The following IL1RAPL2 variants were observed in gnomAD, a reference collection of about 807,000 sequenced individuals.
The protein encoded by IL1RAPL2 is X-linked interleukin-1 receptor accessory protein-like 2.
Under a neutral mutation model 44.1 loss-of-function variants are expected in IL1RAPL2, and 3 were observed. The ratio of observed to expected loss-of-function variants is 0.07; its 90% CI spans 0.03 to 0.18. IL1RAPL2 has a LOEUF of 0.18. Ranked by LOEUF, IL1RAPL2 falls within the 10% of genes least tolerant of loss-of-function variation. The pLI, the probability that IL1RAPL2 is intolerant of heterozygous loss-of-function variation, is 1.00. For synonymous variants in IL1RAPL2, 181 were observed against 178.8 expected, an observed-to-expected ratio of 1.01 and a Z score of -0.10; for missense variants, 391 against 496.4, an observed-to-expected ratio of 0.79 and a Z score of 2.02.
intron 2 of IL1RAPL2, among the ~76,000 whole-genome samples, chrX:104,983,615 T>TATTATATGCATAATATATAA (rs1569355783): frequency 2.3e-4 from 9 of 38,306 alleles, no homozygotes; most frequent in African/African-American, 7.5e-4. Flanking sequence ...ATATATAATA[T>TATTATATGCATAATATATAA]TATATTATAT....
chrX:105,043,951 A>G (rs908744921), intron 2 of IL1RAPL2, among the ~76,000 whole-genome samples: 1 of 112,247 alleles, frequency 8.9e-6, no homozygotes, highest in African/African-American at 3.2e-5. Flanking sequence ...AGTATCAATT[A>G]CAGTATTTTA....
chrX:104,873,414 A>T (rs1029798290), intron 2 of IL1RAPL2, among the ~76,000 whole-genome samples: 2 of 111,858 alleles, frequency 1.8e-5, no homozygotes, highest in African/African-American at 6.5e-5. Flanking sequence ...ATTTTGCTTC[A>T]TGTAAGTTAT....
intron 5 of IL1RAPL2, among the ~76,000 whole-genome samples, chrX:105,410,959 A>G (rs1602399920): frequency 8.9e-6 from 1 of 112,236 alleles, no homozygotes; most frequent in East Asian, 2.8e-4. Context: ...AAGCATCAAC[A>G]GCTATAATTA....
chrX:104,660,106 T>C (rs191880782), intron 2 of IL1RAPL2, among the ~76,000 whole-genome samples: 1 of 111,816 alleles, frequency 8.9e-6, no homozygotes, highest in African/African-American at 3.2e-5. Flanking sequence ...TCTCTTCTTA[T>C]AGATTCAGGT....
chrX:105,192,937 G>T (rs1249262682), intron 2 of IL1RAPL2, among the ~76,000 whole-genome samples: 1 of 111,948 alleles, frequency 8.9e-6, no homozygotes, highest in African/African-American at 3.2e-5. Flanking sequence ...TGCTCACATG[G>T]CCCTTAAAGG....
At chrX:104,700,561 C>G (rs1462981352) in intron 2 of IL1RAPL2, among the ~76,000 whole-genome samples, 5 of 112,032 alleles carry the variant, frequency 4.5e-5, no homozygotes, top group African/African-American at 1.6e-4. Context: ...CTTGTTTTCA[C>G]ATTATTACCC....
intron 2 of IL1RAPL2, among the ~76,000 whole-genome samples, chrX:105,099,630 A>AT (rs749506888): frequency 0.043 from 4,479 of 104,521 alleles, 225 homozygotes; most frequent in African/African-American, 0.14. Flanking sequence ...ACGCCTGGCT[A>AT]TTTTTTTTTG....
chrX:105,101,482 T>C (rs1324894325), intron 2 of IL1RAPL2, among the ~76,000 whole-genome samples: 2 of 111,969 alleles, frequency 1.8e-5, no homozygotes, highest in African/African-American at 3.2e-5. Context: ...CCTTTGGAGA[T>C]AACATTTTTT....
intron 1 of IL1RAPL2, among the ~76,000 whole-genome samples, chrX:104,628,077 T>C (rs1344044338): frequency 8.9e-6 from 1 of 111,753 alleles, no homozygotes. Flanking sequence ...ATAATATTTT[T>C]ACATATGTAT....
At chrX:105,564,860 T>C (rs2036963608) in intron 6 of IL1RAPL2, among the ~76,000 whole-genome samples, 1 of 111,875 alleles carries the variant, frequency 8.9e-6, no homozygotes. Context: ...CCCTTCCTTT[T>C]TCTTCCCACA....
At chrX:104,606,816 A>G (rs1443824364) in intron 1 of IL1RAPL2, among the ~76,000 whole-genome samples, 1 of 111,624 alleles carries the variant, frequency 9.0e-6, no homozygotes, top group African/African-American at 3.3e-5. Flanking sequence ...AACAAATGGA[A>G]AAACATTCCA....
At chrX:104,669,094 CT>C (rs1188827996) in intron 2 of IL1RAPL2, among the ~76,000 whole-genome samples, 3 of 111,785 alleles carry the variant, frequency 2.7e-5, no homozygotes, top group Admixed American at 9.5e-5. Flanking sequence ...GGCACTCCCC[CT>C]GGCTACTTTG....
chrX:105,687,698 G>A (rs1239318609), intron 6 of IL1RAPL2, among the ~76,000 whole-genome samples: 2 of 111,791 alleles, frequency 1.8e-5, no homozygotes, highest in Non-Finnish European at 3.8e-5. Context: ...AATAGAAAAA[G>A]AGGGAATCCT....
intron 5 of IL1RAPL2, among the ~76,000 whole-genome samples, chrX:105,459,001 A>G (rs980152321): frequency 9.0e-6 from 1 of 111,586 alleles, no homozygotes; most frequent in Non-Finnish European, 1.9e-5. Flanking sequence ...CAATTAAAAC[A>G]CCACGAAGCT....
At chrX:105,235,048 C>T (rs993301398) in intron 4 of IL1RAPL2, among the ~76,000 whole-genome samples, 6 of 110,751 alleles carry the variant, frequency 5.4e-5, no homozygotes, top group Non-Finnish European at 1.1e-4. Context: ...AATACCCTAA[C>T]CATTTATAAC....
chrX:105,046,785 C>G (rs866768731), intron 2 of IL1RAPL2, among the ~76,000 whole-genome samples: 1 of 104,978 alleles, frequency 9.5e-6, no homozygotes, highest in African/African-American at 3.5e-5. Flanking sequence ...ATTGTCCTTT[C>G]TCTACATCGC....
rs764468351 is a variant in IL1RAPL2, at chrX:104,942,817, T to C, written c.83-252658T>C. Among the ~76,000 whole-genome samples the C allele has an allele frequency of 3.6e-5, 4 of 111,692 alleles. No individual in the cohort carries two copies. In the South Asian group the frequency reaches 1.5e-3, roughly 42 times the overall value. ...TCCAGTTTGTGCCTATTCAGTATGA[T>C]ATTGGCTGTGGGTTTGTCATAAATA... On this transcript the variant is annotated intron_variant, in intron 2 of 10. Coordinates refer to ENST00000372582, the MANE Select transcript of IL1RAPL2 (RefSeq NM_017416.2).
intron 6 of IL1RAPL2, among the ~76,000 whole-genome samples, chrX:105,632,505 G>T (rs2037498147): frequency 9.0e-6 from 1 of 111,339 alleles, no homozygotes; most frequent in Non-Finnish European, 1.9e-5. Flanking sequence ...TTTTATTGAA[G>T]GTGGTGGAGC....
intron 5 of IL1RAPL2, among the ~76,000 whole-genome samples, chrX:105,469,973 C>A (rs1390254574): frequency 1.8e-5 from 2 of 110,908 alleles, no homozygotes; most frequent in African/African-American, 6.5e-5. Flanking sequence ...ATGAATGTAG[C>A]CTTTAGTACA....
Sources: gnomAD v4.1 joint callset for allele counts (sites outside exome capture counted in the v4.1 genomes callset) on GRCh38, gnomAD v4.1.1 for gene constraint, MANE v1.5 for transcripts, NCBI Gene and HGNC (gene_info 2026-07-23, HGNC 2026-07-21) for gene names.